Variants in DNAH11 observed in about 807,000 individuals in gnomAD.
DNAH11 encodes dynein axonemal heavy chain 11.
Under a neutral mutation model 526.0 loss-of-function variants are expected in DNAH11, and 442 were observed. The observed-to-expected ratio is 0.84, with a 90% CI of 0.78 to 0.91. The LOEUF (loss-of-function observed/expected upper bound fraction) is 0.91. Ranked by LOEUF, DNAH11 falls within the 40% of genes least tolerant of loss-of-function variation. DNAH11 has a pLI of 0.00. For missense variants in DNAH11, 6,989 were observed against 5,448.7 expected (o/e 1.28, Z -8.90); for synonymous variants, 2,461 against 1,935.9 (o/e 1.27, Z -7.12).
At chr7:21,687,023 T>C in intron 32 of DNAH11, 76 bp from the exon 33 acceptor site, 2 of 1,405,116 alleles carry the variant, frequency 1.4e-6, no homozygotes, top group Non-Finnish European at 1.9e-6. Flanking sequence ...TAAACTTTTT[T>C]TCTAATGTAT....
In DNAH11 at chr7:21,725,916, A is replaced by T. The variant is rs1785082146; in HGVS notation, c.7372A>T (p.Thr2458Ser). Reference sequence around the variant, plus strand: ...CTTTGATTATTATGTGGACCACAAAACTAAGAAATTATTGCCCTGGGCTGA... The same window carrying T: ...CTTTGATTATTATGTGGACCACAAATCTAAGAAATTATTGCCCTGGGCTGA... The part of the protein sequence containing the change: ...TIFDYYVDHK[T>S]KKLLPWADKI... The change falls in exon 45 of 82, where the codon ACT becomes TCT. Residue 2458 changes from threonine (T) to serine (S), a missense_variant. Physicochemically the swap from Thr to Ser is moderately conservative, Grantham distance 58. Transcript: ENST00000409508. 6.3e-7 allele frequency: 1 copy of T among 1,582,544 alleles called. No homozygotes were observed. Among genetic ancestry groups the T allele is most frequent in the Non-Finnish European group, 8.6e-7 (1 of 1,163,284 alleles).
intron 55 of DNAH11, among the ~76,000 whole-genome samples, chr7:21,772,784 T>C (rs1343603419): frequency 6.6e-6 from 1 of 152,170 alleles, no homozygotes; most frequent in Non-Finnish European, 1.5e-5. Context: ...TGTTGGAAAG[T>C]TGATTGTTTA....
intron 3 of DNAH11, 101 bp downstream of exon 3, chr7:21,559,099 G>A: frequency 1.0e-6 from 1 of 990,616 alleles, no homozygotes; most frequent in African/African-American, 1.6e-5. Context: ...TGAGGTGGGA[G>A]GGTTGCTTGA....
At chr7:21,874,886 C>G (rs188793279) in intron 74 of DNAH11, among the ~76,000 whole-genome samples, 1 of 151,838 alleles carries the variant, frequency 6.6e-6, no homozygotes, top group Admixed American at 6.6e-5. Context: ...TAGAATGAAC[C>G]CTAAAGAGGA....
At chr7:21,607,746 AC>A (rs1785351974) in intron 20 of DNAH11, among the ~76,000 whole-genome samples, 1 of 151,866 alleles carries the variant, frequency 6.6e-6, no homozygotes, top group Non-Finnish European at 1.5e-5. Context: ...CCTGGCCAAC[AC>A]GGTGAAACCC....
chr7:21,802,455 A>G (rs766801961), intron 62 of DNAH11, among the ~76,000 whole-genome samples: 2 of 152,238 alleles, frequency 1.3e-5, no homozygotes, highest in South Asian at 2.1e-4. Flanking sequence ...TGATACAATC[A>G]TCTACTCATA....
At chr7:21,550,896 C>G (rs934952376) in intron 2 of DNAH11, among the ~76,000 whole-genome samples, 1 of 152,304 alleles carries the variant, frequency 6.6e-6, no homozygotes, top group East Asian at 1.9e-4. Context: ...GTGAAATCTG[C>G]TTGAATGCTT....
rs1557778 is a variant in DNAH11 at position 21,778,705 on chromosome 7, T to C, written c.9337-253T>C. Among the ~76,000 whole-genome samples the C allele has an allele frequency of 0.74, 111,853 of 152,074 alleles. 41,548 individuals are homozygous for C. Among genetic ancestry groups the C allele is most frequent in the East Asian group, 0.84 (4,359 of 5,180 alleles). On this transcript the variant is annotated intron_variant, in intron 56 of 81. Transcript: ENST00000409508. ...CAGAGGGAAGAGCAACTTCCCTACT[T>C]AACCTGTTAGTGCTGACAAAAATTA...
chr7:21,673,615 C>G (rs1393355635), intron 30 of DNAH11, among the ~76,000 whole-genome samples: 1 of 152,142 alleles, frequency 6.6e-6, no homozygotes, highest in East Asian at 1.9e-4. Context: ...GACTTTCTTT[C>G]CTCCTGTTTC....
chr7:21,739,495 C>T lies in DNAH11; in HGVS notation c.7812-76C>T, dbSNP rs553681158. ...ATAAGGAGGTAATCTGCGATGAAGA[C>T]CTTTATGAACTGTTAGATTTTGCTC... is the stretch of plus-strand genomic sequence containing the variant. On this transcript the variant is annotated intron_variant, in intron 47 of 81. Coordinates refer to ENST00000409508, the MANE Select transcript of DNAH11 (RefSeq NM_001277115.2). 9.5e-4 allele frequency: 1,015 copies of T among 1,069,506 alleles called. 7 individuals are homozygous for T. The highest frequency in any genetic ancestry group is 7.8e-3 in the South Asian group (540 of 68,790). 66.3% of individuals were successfully genotyped at this position (1,069,506 alleles called of 1,614,324 possible). A position where few individuals can be genotyped will look rare whatever the true frequency, so the allele number is the denominator to read the frequency against.
chr7:21,755,360 C>T (rs973251080), intron 54 of DNAH11, among the ~76,000 whole-genome samples: 5 of 152,162 alleles, frequency 3.3e-5, no homozygotes, highest in Non-Finnish European at 7.4e-5. Context: ...CATCTCCTCT[C>T]CAGTGGACCT....
Position 21,901,484 on chromosome 7 carries a change from ACTTGAAC to A in DNAH11, c.*233_*239del, listed in dbSNP as rs1784846803. 1 of 447,410 alleles carries A rather than the reference ACTTGAAC, an allele frequency of 2.2e-6. No homozygotes were observed. Among genetic ancestry groups the A allele is most frequent in the Non-Finnish European group, 3.4e-6 (1 of 291,152 alleles). The allele number at this position is 447,410 out of a possible 1,614,324, so 27.7% of individuals were successfully genotyped here. A position where few individuals can be genotyped will look rare whatever the true frequency, so the allele number is the denominator to read the frequency against. On this transcript the variant is annotated 3_prime_UTR_variant, in exon 82 of 82. Coordinates refer to ENST00000409508, the MANE Select transcript of DNAH11 (RefSeq NM_001277115.2). ...CAGTTACTCAGGAGGTAGGAGAATCACTTGAACCTAGGAGGCAAAGGTTGCAGTGAGC... is the reference window on the plus strand; with the variant it reads ...CAGTTACTCAGGAGGTAGGAGAATCACTAGGAGGCAAAGGTTGCAGTGAGC...
At chr7:21,708,337 A>G (rs1422809056) in intron 40 of DNAH11, among the ~76,000 whole-genome samples, 1 of 152,162 alleles carries the variant, frequency 6.6e-6, no homozygotes, top group Non-Finnish European at 1.5e-5. Context: ...TATACCCTAC[A>G]TCCAACCTCA....
intron 54 of DNAH11, among the ~76,000 whole-genome samples, chr7:21,761,263 A>G (rs79738658): frequency 0.032 from 4,880 of 152,298 alleles, 251 homozygotes; most frequent in African/African-American, 0.11. Context: ...AGTTGGGTCA[A>G]TAACTGCACT....
intron 9 of DNAH11, among the ~76,000 whole-genome samples, chr7:21,586,685 C>T (rs1784487719): frequency 6.6e-6 from 1 of 152,170 alleles, no homozygotes; most frequent in East Asian, 1.9e-4. Context: ...ACAAAGCCCC[C>T]TCCTTTGCCA....
In DNAH11 at chr7:21,681,624, T is replaced by G. The variant is rs1363621101; in HGVS notation, c.5407T>G (p.Cys1803Gly). Reference protein sequence around the residue: ...PGDRQKIMTICTIDVHARDVV... With the variant: ...PGDRQKIMTIGTIDVHARDVV... ...AGACAGACAGAAGATCATGACAATT[T>G]GTACCATAGATGTCCATGCCAGAGA... is the stretch of plus-strand genomic sequence containing the variant. Residue 1803 changes from cysteine to glycine, a missense_variant, in exon 31 of 82, where the codon TGT becomes GGT. Physicochemically the swap from Cys to Gly is radical, Grantham distance 159. Transcript: ENST00000409508. The G allele has an allele frequency of 6.2e-7, 1 of 1,613,938 alleles. No homozygotes were observed.
Position 21,765,528 on chromosome 7 carries a change from G to A in DNAH11, c.9041G>A (p.Trp3014Ter). The A allele has an allele frequency of 6.2e-7, 1 of 1,613,530 alleles. No individual in the cohort carries two copies. The highest frequency in any genetic ancestry group is 1.7e-4 in the Middle Eastern group (1 of 6,060). Residue 3014 changes from tryptophan (W) to a stop codon, truncating the protein, a stop_gained, in exon 55 of 82, where the codon TGG becomes TAG. Transcript: ENST00000409508. LOFTEE classifies it high-confidence loss of function. ...ACGGCTATTGACTGGTTTCATGCGTGGCCGCAGGAGGCTCTGGTCTCCGTC... is the reference window on the plus strand; with the variant it reads ...ACGGCTATTGACTGGTTTCATGCGTAGCCGCAGGAGGCTCTGGTCTCCGTC... Reference protein sequence around the residue: ...NCTAIDWFHAWPQEALVSVSR... With the variant: ...NCTAIDWFHA
At chr7:21,567,714 T>A (rs952439003) in intron 6 of DNAH11, among the ~76,000 whole-genome samples, 2 of 152,242 alleles carry the variant, frequency 1.3e-5, no homozygotes, top group Non-Finnish European at 1.5e-5. Context: ...ATGACGGGAA[T>A]GCCAGTCAGA....
chr7:21,566,850 C>T (rs1252488455), intron 6 of DNAH11, among the ~76,000 whole-genome samples: 1 of 151,952 alleles, frequency 6.6e-6, no homozygotes, highest in East Asian at 1.9e-4. Flanking sequence ...ATTTTTCTGT[C>T]CTCCTAAACT....
Sources: allele counts gnomAD v4.1 joint callset (sites outside exome capture counted in the v4.1 genomes callset), GRCh38; gene constraint gnomAD v4.1.1; transcripts MANE v1.5; gene names NCBI Gene and HGNC (gene_info 2026-07-23, HGNC 2026-07-21).